Variants in SLC14A2 observed in about 807,000 individuals in gnomAD.
The protein encoded by SLC14A2 is solute carrier family 14 member 2.
A neutral mutation model predicts 104.6 loss-of-function variants in SLC14A2; 91 were observed. The observed-to-expected ratio is 0.87, with a 90% CI of 0.73 to 1.04. The LOEUF (loss-of-function observed/expected upper bound fraction) is 1.04, where lower values mean the gene tolerates loss of function less well. SLC14A2 is among the 50% of genes least tolerant of loss of function. The pLI is 0.00. For synonymous variants in SLC14A2, 476 were observed against 466.4 expected (o/e 1.02, Z -0.27); for missense variants, 1,189 against 1,156.0 (o/e 1.03, Z -0.41).
intron 1 of SLC14A2, among the ~76,000 whole-genome samples, chr18:45,302,174 T>A (rs145518612): frequency 0.012 from 1,846 of 152,342 alleles, 39 homozygotes; most frequent in African/African-American, 0.043. Context: ...TTCAAAAATA[T>A]AGCATCATTC....
At chr18:45,538,203 T>A (rs1024823320) in intron 2 of SLC14A2, among the ~76,000 whole-genome samples, 1 of 152,208 alleles carries the variant, frequency 6.6e-6, no homozygotes, top group East Asian at 1.9e-4. Flanking sequence ...CAGCCAACCC[T>A]GCTGGAACCC....
chr18:45,258,767 C>G lies in SLC14A2; in HGVS notation c.-125+45576C>G, dbSNP rs796265178. On this transcript the variant is annotated intron_variant, in intron 1 of 20. Coordinates refer to the SLC14A2 transcript ENST00000586448. ...TTGACCAGTACTGAGATCATTGATC[C>G]CCATGACAGCTCAGTGAGGGAGATG... 7.4e-5 allele frequency among the ~76,000 whole-genome samples: 11 copies of G among 147,866 alleles called. 3 individuals carry two copies. Among genetic ancestry groups the G allele is most frequent in the African/African-American group, 2.8e-4 (11 of 39,030 alleles).
intron 1 of SLC14A2, among the ~76,000 whole-genome samples, chr18:45,285,729 C>T (rs1226509996): frequency 2.0e-5 from 3 of 149,560 alleles, no homozygotes; most frequent in Non-Finnish European, 4.4e-5. Flanking sequence ...CCAGCCGGAG[C>T]AGATGAATTT....
At chr18:45,389,666 A>G (rs1290325529) in intron 1 of SLC14A2, among the ~76,000 whole-genome samples, 2 of 152,214 alleles carry the variant, frequency 1.3e-5, no homozygotes, top group East Asian at 3.9e-4. Flanking sequence ...ATTTGAGAAT[A>G]TTTGCTTACA....
the SLC14A2 span, among the ~76,000 whole-genome samples, chr18:45,198,718 C>T: frequency 6.6e-6 from 1 of 152,042 alleles, no homozygotes; most frequent in East Asian, 1.9e-4. Context: ...AAATTTTTAA[C>T]ATATCTGTGC....
chr18:45,470,201 T>A (rs1392169562), intron 1 of SLC14A2, among the ~76,000 whole-genome samples: 1 of 152,192 alleles, frequency 6.6e-6, no homozygotes, highest in Non-Finnish European at 1.5e-5. Flanking sequence ...AAAGTTTCTA[T>A]CTTTGTGTCA....
chr18:45,320,936 A>G (rs543289505), intron 1 of SLC14A2, among the ~76,000 whole-genome samples: 6 of 152,216 alleles, frequency 3.9e-5, no homozygotes, highest in African/African-American at 1.2e-4. Context: ...ATCAGTGCTC[A>G]TGGGCTTGAA....
chr18:45,368,209 C>T (rs879295824), intron 1 of SLC14A2, among the ~76,000 whole-genome samples: 9 of 152,118 alleles, frequency 5.9e-5, no homozygotes, highest in Non-Finnish European at 1.3e-4. Flanking sequence ...TGAGCCAGGC[C>T]TCTCAAGAGA....
At chr18:45,564,325 C>A (rs2044239703) in intron 2 of SLC14A2, among the ~76,000 whole-genome samples, 1 of 152,200 alleles carries the variant, frequency 6.6e-6, no homozygotes, top group Non-Finnish European at 1.5e-5. Context: ...AAACTTGTTT[C>A]TCTTTCACCA....
chr18:45,668,109 C>A, intron 14 of SLC14A2, 87 bp downstream of exon 14: 1 of 1,350,816 alleles, frequency 7.4e-7, no homozygotes. Flanking sequence ...GCTGAGAAAT[C>A]CTCAAAATAA....
At chr18:45,435,686 C>A (rs925733701) in intron 1 of SLC14A2, among the ~76,000 whole-genome samples, 3 of 152,160 alleles carry the variant, frequency 2.0e-5, no homozygotes, top group African/African-American at 4.8e-5. Context: ...AGAGAAAGAG[C>A]AATCCACTGG....
intron 12 of SLC14A2, among the ~76,000 whole-genome samples, chr18:45,666,650 T>C (rs563145216): frequency 3.9e-4 from 59 of 151,128 alleles, no homozygotes; most frequent in Non-Finnish European, 6.5e-4. Context: ...AGTTCTACTG[T>C]TTGACCTTGA....
At chr18:45,199,292 T>A in the SLC14A2 span, among the ~76,000 whole-genome samples, 3 of 152,166 alleles carry the variant, frequency 2.0e-5, no homozygotes, top group African/African-American at 2.4e-5. Flanking sequence ...TTTAGAAAAT[T>A]TTAGTTATTA....
At chr18:45,287,281 A>C (rs762164491) in intron 1 of SLC14A2, among the ~76,000 whole-genome samples, 3 of 152,212 alleles carry the variant, frequency 2.0e-5, no homozygotes, top group Non-Finnish European at 2.9e-5. Flanking sequence ...AAAGAGGTAG[A>C]ATCTGGTAAA....
At chr18:45,471,790 G>C (rs1041539482) in intron 1 of SLC14A2, among the ~76,000 whole-genome samples, 2 of 151,698 alleles carry the variant, frequency 1.3e-5, no homozygotes, top group African/African-American at 4.8e-5. Context: ...TCTTTCAGTT[G>C]TCTGGACATG....
At chr18:45,580,754 C>T (rs770744224) in intron 2 of SLC14A2, among the ~76,000 whole-genome samples, 5 of 152,084 alleles carry the variant, frequency 3.3e-5, no homozygotes, top group South Asian at 2.1e-4. Flanking sequence ...GGTCACAGAA[C>T]GGGTAAGGGG....
chr18:45,256,815 C>A (rs1405411712), intron 1 of SLC14A2, among the ~76,000 whole-genome samples: 2 of 152,184 alleles, frequency 1.3e-5, no homozygotes, highest in African/African-American at 4.8e-5. Context: ...AGGGGCAAAT[C>A]TCAGGTATAA....
chr18:45,299,686 T>C (rs1315103372), intron 1 of SLC14A2, among the ~76,000 whole-genome samples: 2 of 152,202 alleles, frequency 1.3e-5, no homozygotes, highest in Non-Finnish European at 2.9e-5. Flanking sequence ...GGTCTTGAAC[T>C]CCTGACCTCA....
chr18:45,353,534 G>A (rs1205025593), intron 1 of SLC14A2, among the ~76,000 whole-genome samples: 7 of 152,174 alleles, frequency 4.6e-5, no homozygotes, highest in African/African-American at 1.4e-4. Context: ...TCTCCTGAAG[G>A]TCCAGTTATA....
Sources: gnomAD v4.1 joint callset for allele counts (sites outside exome capture counted in the v4.1 genomes callset) on GRCh38, gnomAD v4.1.1 for gene constraint, MANE v1.5 for transcripts, NCBI Gene and HGNC (gene_info 2026-07-23, HGNC 2026-07-21) for gene names.